PTPRC: variants seen among roughly 807,000 people sequenced by gnomAD.
The protein encoded by PTPRC is receptor-type tyrosine-protein phosphatase C.
PTPRC carries 44 observed loss-of-function variants against 155.9 expected under a neutral mutation model. The ratio of observed to expected loss-of-function variants is 0.28; its 90% CI spans 0.22 to 0.36. The LOEUF (loss-of-function observed/expected upper bound fraction) is 0.36. PTPRC is among the 10% of genes least tolerant of loss of function. The pLI is 1.00. For missense variants in PTPRC, 1,401 were observed against 1,564.6 expected (o/e 0.90, Z 1.76); for synonymous variants, 525 against 533.1 (o/e 0.98, Z 0.21).
chr1:198,715,558 A>G (rs954331911), intron 12 of PTPRC, among the ~76,000 whole-genome samples: 3 of 152,090 alleles, frequency 2.0e-5, no homozygotes, highest in African/African-American at 7.2e-5. Flanking sequence ...ATTATTTTTC[A>G]AAAGTTACTG....
intron 4 of PTPRC, among the ~76,000 whole-genome samples, chr1:198,697,841 C>A (rs12406698): frequency 0.088 from 13,415 of 152,200 alleles, 765 homozygotes; most frequent in African/African-American, 0.15. Flanking sequence ...GAGTACCTTA[C>A]TGATGAAGTT....
At chr1:198,689,008 T>A (rs974702663) in intron 2 of PTPRC, among the ~76,000 whole-genome samples, 6 of 152,194 alleles carry the variant, frequency 3.9e-5, no homozygotes, top group African/African-American at 1.4e-4. Flanking sequence ...CTTAGTATAG[T>A]GCCTGGCACC....
chr1:198,733,965 AG>A (rs957607116), intron 20 of PTPRC, among the ~76,000 whole-genome samples: 4 of 151,820 alleles, frequency 2.6e-5, no homozygotes, highest in African/African-American at 9.7e-5. Context: ...TGAAGTTTAC[AG>A]CAAAGATACA....
chr1:198,728,584 C>A, intron 16 of PTPRC, 136 bp downstream of exon 16: 2 of 1,011,730 alleles, frequency 2.0e-6, no homozygotes, highest in African/African-American at 1.6e-5. Flanking sequence ...CACTTCATGA[C>A]ACAACTTTTA....
At chr1:198,702,887 T>TA (rs1316767500) in intron 6 of PTPRC, among the ~76,000 whole-genome samples, 4 of 152,218 alleles carry the variant, frequency 2.6e-5, no homozygotes, top group Non-Finnish European at 5.9e-5. Flanking sequence ...ATGGACATAA[T>TA]AACACTCCTT....
chr1:198,729,429 G>A (rs1477057813), intron 17 of PTPRC, among the ~76,000 whole-genome samples: 1 of 152,062 alleles, frequency 6.6e-6, no homozygotes, highest in African/African-American at 2.4e-5. Context: ...TTTTAGTAGA[G>A]ATGGGATATC....
intron 26 of PTPRC, 119 bp downstream of exon 26, chr1:198,744,322 A>G: frequency 1.9e-6 from 2 of 1,027,928 alleles, no homozygotes; most frequent in Non-Finnish European, 2.9e-6. Flanking sequence ...ACCAGAACCA[A>G]AGGAGCACAG....
chr1:198,646,785 T>C (rs1343511160), intron 2 of PTPRC, among the ~76,000 whole-genome samples: 1 of 151,888 alleles, frequency 6.6e-6, no homozygotes, highest in Non-Finnish European at 1.5e-5. Flanking sequence ...GCTTTCACAC[T>C]TAGTACCAAT....
chr1:198,699,347 A>C (rs575578750), intron 4 of PTPRC, among the ~76,000 whole-genome samples: 1 of 152,362 alleles, frequency 6.6e-6, no homozygotes, highest in South Asian at 2.1e-4. Flanking sequence ...GGCTGCATCC[A>C]GCTCAGGAAA....
intron 28 of PTPRC, 22 bp from the exon 29 acceptor site, chr1:198,750,470 C>T (rs1042207069): frequency 2.5e-6 from 4 of 1,609,124 alleles, no homozygotes; most frequent in Non-Finnish European, 3.4e-6. Flanking sequence ...AACGAAGTCC[C>T]ACCCTTTTTT....
At chr1:198,743,067 C>CAAAAAAAAAAAAAAAAA (rs10628640) in intron 25 of PTPRC, among the ~76,000 whole-genome samples, 2 of 75,930 alleles carry the variant, frequency 2.6e-5, no homozygotes, top group African/African-American at 5.1e-5. Flanking sequence ...GTCAAAATAG[C>CAAAAAAAAAAAAAAAAA]AAAAAAAAAA....
chr1:198,640,298 C>T (rs1360450471), intron 2 of PTPRC, among the ~76,000 whole-genome samples: 3 of 151,742 alleles, frequency 2.0e-5, no homozygotes, highest in Non-Finnish European at 4.4e-5. Context: ...TGTAGAAATT[C>T]CAAAAAGTAT....
At chr1:198,659,398 G>A (rs1474496085) in intron 2 of PTPRC, among the ~76,000 whole-genome samples, 3 of 152,158 alleles carry the variant, frequency 2.0e-5, no homozygotes, top group Non-Finnish European at 4.4e-5. Flanking sequence ...CCCCTCCCCA[G>A]GTGGGATTTC....
chr1:198,707,928 A>G (rs557359472), intron 9 of PTPRC, among the ~76,000 whole-genome samples: 1 of 152,238 alleles, frequency 6.6e-6, no homozygotes, highest in Non-Finnish European at 1.5e-5. Context: ...ACCAAAATAT[A>G]TGGTGCTAAA....
chr1:198,656,652 TG>T lies in PTPRC; in HGVS notation c.73+17312del, dbSNP rs1375222522. Among the ~76,000 whole-genome samples the T allele has an allele frequency of 1.6e-3, 137 of 84,798 alleles. 2 individuals carry two copies. Among genetic ancestry groups the T allele is most frequent in the Admixed American group, 5.2e-3 (41 of 7,834 alleles). The allele number at this position is 84,798 out of a possible 152,430, so 55.6% of individuals were successfully genotyped here. A position where few individuals can be genotyped will look rare whatever the true frequency, so the allele number is the denominator to read the frequency against. ...ACAGGGCTACTAGTTTTTTGTTTTT[TG>T]TTTTTTTTTTTTTTGTCATACATTA... On this transcript the variant is annotated intron_variant, in intron 2 of 32. Coordinates refer to ENST00000442510, the MANE Select transcript of PTPRC (RefSeq NM_002838.5).
intron 2 of PTPRC, among the ~76,000 whole-genome samples, chr1:198,688,035 G>A (rs1665727393): frequency 6.6e-6 from 1 of 151,932 alleles, no homozygotes; most frequent in South Asian, 2.1e-4. Flanking sequence ...CAGTGATGCT[G>A]AAGTCTTGGA....
At chr1:198,738,251 G>T (rs1398272281) in intron 23 of PTPRC, among the ~76,000 whole-genome samples, 2 of 151,710 alleles carry the variant, frequency 1.3e-5, no homozygotes, top group Non-Finnish European at 2.9e-5. Context: ...AAGGCTTTCA[G>T]TTTTTTCTCA....
At chr1:198,661,131 A>G (rs935154013) in intron 2 of PTPRC, among the ~76,000 whole-genome samples, 1 of 152,164 alleles carries the variant, frequency 6.6e-6, no homozygotes, top group African/African-American at 2.4e-5. Context: ...TGGTTTCAAA[A>G]TCTTAACACT....
intron 11 of PTPRC, chr1:198,712,691 A>G (rs1653372464): frequency 4.5e-6 from 2 of 442,562 alleles, no homozygotes; most frequent in East Asian, 4.4e-5. Context: ...AATAATGTAT[A>G]TGAAAGGAAG....
Sources: gnomAD v4.1 joint callset for allele counts (sites outside exome capture counted in the v4.1 genomes callset) on GRCh38, gnomAD v4.1.1 for gene constraint, MANE v1.5 for transcripts, NCBI Gene and HGNC (gene_info 2026-07-23, HGNC 2026-07-21) for gene names.